Variants in HERPUD2 observed in about 807,000 individuals in gnomAD.
The protein encoded by HERPUD2 is HERPUD family member 2.
Under a neutral mutation model 49.9 loss-of-function variants are expected in HERPUD2, and 13 were observed. That is an observed-to-expected ratio of 0.26 (90% CI 0.17 to 0.41). The LOEUF (loss-of-function observed/expected upper bound fraction) is 0.41. HERPUD2 is among the 10% of genes least tolerant of loss of function. The pLI is 1.00. For missense variants in HERPUD2, 449 were observed against 492.2 expected (o/e 0.91, Z 0.83); for synonymous variants, 172 against 171.4 (o/e 1.00, Z -0.03).
chr7:35,634,232 A>G, intron 8 of HERPUD2, 80 bp downstream of exon 8: 2 of 863,646 alleles, frequency 2.3e-6, no homozygotes, highest in South Asian at 3.0e-5. Context: ...GGAACATCCA[A>G]CATTCTTTCA....
At chr7:35,651,444 C>G (rs1461853019) in intron 5 of HERPUD2, among the ~76,000 whole-genome samples, 2 of 152,124 alleles carry the variant, frequency 1.3e-5, no homozygotes, top group Non-Finnish European at 2.9e-5. Context: ...AAAACCACAC[C>G]CTAAGACACT....
At chr7:35,641,791 T>TAC (rs1318790030) in intron 5 of HERPUD2, among the ~76,000 whole-genome samples, 1 of 152,208 alleles carries the variant, frequency 6.6e-6, no homozygotes, top group African/African-American at 2.4e-5. Flanking sequence ...CCACCTTCCT[T>TAC]ACATCACAGA....
intron 2 of HERPUD2, among the ~76,000 whole-genome samples, chr7:35,688,061 ACTATAAT>A (rs1472733988): frequency 3.3e-5 from 5 of 152,228 alleles, no homozygotes; most frequent in Non-Finnish European, 7.3e-5. Flanking sequence ...AGTTCAATGA[ACTATAAT>A]CTAGTCCTTT....
chr7:35,647,945 G>A (rs1479669906), intron 5 of HERPUD2, among the ~76,000 whole-genome samples: 1 of 150,978 alleles, frequency 6.6e-6, no homozygotes, highest in Non-Finnish European at 1.5e-5. Context: ...ATAAAGTGTG[G>A]TAAATGAATT....
chr7:35,662,252 G>T (rs1360771899), intron 5 of HERPUD2, among the ~76,000 whole-genome samples: 2 of 152,186 alleles, frequency 1.3e-5, no homozygotes, highest in African/African-American at 4.8e-5. Flanking sequence ...TAAGCTTTTT[G>T]ATGTGCTGCT....
At position 35,694,452 on chromosome 7, in the gene HERPUD2, G is replaced by A; in HGVS notation, c.-122C>T. On this transcript the variant is annotated 5_prime_UTR_variant, in exon 2 of 9. Coordinates refer to ENST00000311350, the MANE Select transcript of HERPUD2 (RefSeq NM_022373.5). The stretch of plus-strand genomic sequence containing the variant: ...TGAGTTCTTAGTATTCCGTGTCCAA[G>A]TCAGTTACAAGTGCACTGGAGGATA... The A allele has an allele frequency of 2.9e-6, 3 of 1,028,226 alleles. No individual in the cohort carries two copies. The highest frequency in any genetic ancestry group is 1.4e-5 in the South Asian group (1 of 70,074). The allele number at this position is 1,028,226 out of a possible 1,614,324, so 63.7% of individuals were successfully genotyped here.
intron 2 of HERPUD2, among the ~76,000 whole-genome samples, chr7:35,686,769 G>T (rs1435384699): frequency 8.1e-6 from 1 of 123,512 alleles, no homozygotes; most frequent in African/African-American, 3.0e-5. Context: ...CAGGCCAGGG[G>T]TGGTGGCTCA....
rs1335066910 is a variant in HERPUD2, at chr7:35,632,865, T to C, written c.*825A>G. Reference sequence around the variant, plus strand: ...TCCATTATTTATTCAAATATCAAAATTAAGATTATTGAGAAGTTTATTGCT... The same window carrying C: ...TCCATTATTTATTCAAATATCAAAACTAAGATTATTGAGAAGTTTATTGCT... On this transcript the variant is annotated 3_prime_UTR_variant, in exon 9 of 9. Coordinates refer to ENST00000311350, the MANE Select transcript of HERPUD2 (RefSeq NM_022373.5). The C allele has an allele frequency of 6.6e-6, 1 of 152,520 alleles. No homozygotes were observed. Among genetic ancestry groups the C allele is most frequent in the Non-Finnish European group, 1.5e-5 (1 of 68,012 alleles). The allele number at this position is 152,520 out of a possible 1,614,324, so 9.4% of individuals were successfully genotyped here. A position where few individuals can be genotyped will look rare whatever the true frequency, so the allele number is the denominator to read the frequency against.
intron 2 of HERPUD2, among the ~76,000 whole-genome samples, chr7:35,675,411 T>C (rs906557883): frequency 3.7e-4 from 56 of 152,190 alleles, no homozygotes; most frequent in African/African-American, 1.3e-3. Context: ...AAATGAATTA[T>C]CCAATGCTTT....
At chr7:35,654,421 T>A (rs1389410342) in intron 5 of HERPUD2, among the ~76,000 whole-genome samples, 1 of 151,674 alleles carries the variant, frequency 6.6e-6, no homozygotes, top group Non-Finnish European at 1.5e-5. Flanking sequence ...TATGAACAAC[T>A]ACACACTAAT....
At chr7:35,686,260 C>T (rs1786040077) in intron 2 of HERPUD2, among the ~76,000 whole-genome samples, 1 of 149,968 alleles carries the variant, frequency 6.7e-6, no homozygotes, top group South Asian at 2.1e-4. Context: ...GCGATCTCAG[C>T]TCACTACAAA....
chr7:35,681,782 C>T (rs150812058), intron 2 of HERPUD2, among the ~76,000 whole-genome samples: 1 of 151,430 alleles, frequency 6.6e-6, no homozygotes, highest in African/African-American at 2.4e-5. Context: ...CTATGCAAAT[C>T]CATAGAAACA....
intron 5 of HERPUD2, among the ~76,000 whole-genome samples, chr7:35,643,154 AT>A (rs996000848): frequency 2.0e-5 from 3 of 152,150 alleles, no homozygotes; most frequent in Non-Finnish European, 2.9e-5. Flanking sequence ...TAGCTCATTA[AT>A]TTTTTTAAAA....
At chr7:35,662,688 G>C (rs879362458) in intron 5 of HERPUD2, among the ~76,000 whole-genome samples, 3 of 151,608 alleles carry the variant, frequency 2.0e-5, no homozygotes, top group Admixed American at 2.0e-4. Context: ...CTCTCTGATG[G>C]CCATATTTCT....
At chr7:35,673,750 T>C (rs1785691953) in intron 2 of HERPUD2, among the ~76,000 whole-genome samples, 1 of 152,208 alleles carries the variant, frequency 6.6e-6, no homozygotes, top group Non-Finnish European at 1.5e-5. Context: ...CTTTCTTCCT[T>C]ACTAATATTG....
chr7:35,691,197 C>G (rs1240999362), intron 2 of HERPUD2, among the ~76,000 whole-genome samples: 1 of 152,068 alleles, frequency 6.6e-6, no homozygotes, highest in Non-Finnish European at 1.5e-5. Context: ...GGGAGGGGTA[C>G]ATTTGTTCTA....
intron 3 of HERPUD2, among the ~76,000 whole-genome samples, chr7:35,671,472 G>C (rs748401293): frequency 6.6e-6 from 1 of 152,044 alleles, no homozygotes; most frequent in Non-Finnish European, 1.5e-5. Context: ...GTCTCCCTTA[G>C]CTTCTTAATA....
At position 35,634,536 on chromosome 7, in the gene HERPUD2, A is replaced by T. The variant is rs1784839673; in HGVS notation, c.942-107T>A. The T allele has an allele frequency of 6.0e-6, 4 of 668,984 alleles. No individual in the cohort carries two copies. In the South Asian group the frequency reaches 8.5e-5, roughly 14 times the overall value. The allele number at this position is 668,984 out of a possible 1,614,324, so 41.4% of individuals were successfully genotyped here. A position where few individuals can be genotyped will look rare whatever the true frequency, so the allele number is the denominator to read the frequency against. Reference sequence around the variant, plus strand: ...TAAGAGAAAAATGATTAAAACTATAATAAATAAAAAGACCAAATCTCCCAC... The same window carrying T: ...TAAGAGAAAAATGATTAAAACTATATTAAATAAAAAGACCAAATCTCCCAC... On this transcript the variant is annotated intron_variant, in intron 7 of 8. Transcript: ENST00000311350.
chr7:35,686,660 A>G (rs1291275157), intron 2 of HERPUD2, among the ~76,000 whole-genome samples: 2 of 99,588 alleles, frequency 2.0e-5, no homozygotes, highest in Non-Finnish European at 3.8e-5. Flanking sequence ...CGGAGCTTGC[A>G]GTGAGCCGAG....
Sources: gnomAD v4.1 joint callset for allele counts (sites outside exome capture counted in the v4.1 genomes callset) on GRCh38, gnomAD v4.1.1 for gene constraint, MANE v1.5 for transcripts, NCBI Gene and HGNC (gene_info 2026-07-23, HGNC 2026-07-21) for gene names.